Variants in MYO9A observed in about 807,000 individuals in gnomAD.
The protein encoded by MYO9A is myosin IXA.
In MYO9A, 103 loss-of-function variants were observed where a neutral mutation model predicts 293.3. The ratio of observed to expected loss-of-function variants is 0.35; its 90% CI spans 0.30 to 0.41. MYO9A has a LOEUF of 0.41. MYO9A is among the 10% of genes least tolerant of loss of function. MYO9A has a pLI of 1.00. For synonymous variants in MYO9A, 1,001 were observed against 1,035.7 expected, an observed-to-expected ratio of 0.97 and a Z score of 0.64; for missense variants, 2,685 against 3,033.0, an observed-to-expected ratio of 0.89 and a Z score of 2.69.
intron 3 of MYO9A, among the ~76,000 whole-genome samples, chr15:72,031,083 T>A (rs1238693411): frequency 1.3e-5 from 2 of 152,118 alleles, no homozygotes; most frequent in Non-Finnish European, 2.9e-5. Flanking sequence ...GCACACTCCT[T>A]ATGAGAATTT....
At chr15:71,984,732 C>G (rs1596323193) in intron 11 of MYO9A, among the ~76,000 whole-genome samples, 1 of 152,144 alleles carries the variant, frequency 6.6e-6, no homozygotes, top group South Asian at 2.1e-4. Flanking sequence ...TTTTCAATTT[C>G]ACAGTACTTT....
At chr15:71,964,714 G>T (rs537920518) in intron 13 of MYO9A, among the ~76,000 whole-genome samples, 37 of 152,122 alleles carry the variant, frequency 2.4e-4, no homozygotes, top group African/African-American at 8.9e-4. Flanking sequence ...TTGAACCCGG[G>T]AGGCAGAGGT....
chr15:71,883,650 T>A lies in MYO9A; in HGVS notation c.5342A>T (p.Glu1781Val), dbSNP rs1401968922. Residue 1781 changes from glutamate (E) to valine (V), a missense_variant, in exon 28 of 42, where the codon GAG becomes GTG. Glu to Val is a moderately radical substitution (Grantham distance 121, BLOSUM62 -2). Transcript: ENST00000356056. ...TGTGCCTGCAAAGAGTGGCGAAACC[T>A]CTGACTGGGTAGTAGGTTTCACTCT... ...TTRVKPTTQS[E>V]VSPLFAGTDV... The A allele has an allele frequency of 6.2e-7, 1 of 1,613,744 alleles. No homozygotes were observed. The highest frequency in any genetic ancestry group is 8.5e-7 in the Non-Finnish European group (1 of 1,179,802).
chr15:71,925,186 T>C (rs12148549), intron 18 of MYO9A, among the ~76,000 whole-genome samples: 4 of 2,662 alleles, frequency 1.5e-3, no homozygotes, highest in Non-Finnish European at 3.9e-3. Flanking sequence ...CATATATACA[T>C]GTGTATATAT....
rs867639949 is a variant in MYO9A, at chr15:71,826,816, T to C, written c.7411A>G (p.Met2471Val). The C allele has an allele frequency of 1.9e-6, 3 of 1,614,018 alleles. No individual in the cohort carries two copies. Among genetic ancestry groups the C allele is most frequent in the African/African-American group, 1.3e-5 (1 of 74,924 alleles). ...TTGGTCTGGCCCAATGGTCCTTCCATTCCCAGGGCCTCATTACCTGAGGCA... is the reference window on the plus strand; with the variant it reads ...TTGGTCTGGCCCAATGGTCCTTCCACTCCCAGGGCCTCATTACCTGAGGCA... Reference protein sequence around the residue: ...RAASGNEALGMEGPLGQTKFL... With the variant: ...RAASGNEALGVEGPLGQTKFL... Residue 2471 changes from methionine to valine, a missense_variant, in exon 42 of 42, where the codon ATG becomes GTG. This residue lies in a region of MYO9A where 350 missense variants were observed against 328.9 expected (regional missense o/e 1.06). Transcript: ENST00000356056.
rs180811034 is a variant in MYO9A, at chr15:72,082,545, G to A, written c.-72+35135C>T. ...TAAATGCCCTTTATTTCTTTCCCTTGCCTGATTCCTCTGGCCAGGACTTCC... is the reference window on the plus strand; with the variant it reads ...TAAATGCCCTTTATTTCTTTCCCTTACCTGATTCCTCTGGCCAGGACTTCC... On this transcript the variant is annotated intron_variant, in intron 1 of 41. Transcript: ENST00000356056. Among the ~76,000 whole-genome samples, 242 of 152,070 alleles carry A rather than the reference G, an allele frequency of 1.6e-3. 2 individuals are homozygous for A. Among genetic ancestry groups the A allele is most frequent in the Non-Finnish European group, 2.8e-3 (193 of 67,990 alleles).
At chr15:72,087,512 T>C (rs2079777309) in intron 1 of MYO9A, among the ~76,000 whole-genome samples, 2 of 152,142 alleles carry the variant, frequency 1.3e-5, no homozygotes, top group African/African-American at 4.8e-5. Flanking sequence ...GAGCATACCG[T>C]TCCTTGCCAG....
At chr15:71,880,972 G>A (rs1004093546) in intron 28 of MYO9A, among the ~76,000 whole-genome samples, 2 of 152,114 alleles carry the variant, frequency 1.3e-5, no homozygotes, top group African/African-American at 4.8e-5. Context: ...AACAATATGT[G>A]TAGCTATATA....
At chr15:71,907,922 C>T in intron 19 of MYO9A, among the ~76,000 whole-genome samples, 1 of 152,096 alleles carries the variant, frequency 6.6e-6, no homozygotes. Context: ...GTAGTTTCTT[C>T]TGTTGTGCAG....
chr15:71,838,347 CTT>C (rs1402632651), intron 39 of MYO9A, among the ~76,000 whole-genome samples: 1 of 152,004 alleles, frequency 6.6e-6, no homozygotes, highest in Non-Finnish European at 1.5e-5. Flanking sequence ...AACCTTTCAA[CTT>C]TTTTCTTTAA....
At chr15:71,916,019 T>C (rs2058001693) in intron 19 of MYO9A, among the ~76,000 whole-genome samples, 1 of 152,126 alleles carries the variant, frequency 6.6e-6, no homozygotes, top group South Asian at 2.1e-4. Context: ...GGTAGCAGCA[T>C]GAGGTTTAAG....
chr15:71,928,031 T>C (rs1216836115), intron 18 of MYO9A, among the ~76,000 whole-genome samples: 4 of 8,110 alleles, frequency 4.9e-4, no homozygotes, highest in East Asian at 3.5e-3. Context: ...CTTTCTAATA[T>C]ATATATATAT....
At chr15:72,076,276 G>A (rs1402101336) in intron 1 of MYO9A, among the ~76,000 whole-genome samples, 1 of 148,486 alleles carries the variant, frequency 6.7e-6, no homozygotes, top group African/African-American at 2.5e-5. Context: ...CTGCACTCCA[G>A]CCTGGGCGAC....
At position 71,898,392 on chromosome 15, in the gene MYO9A, C is replaced by G; in HGVS notation, c.4111G>C (p.Asp1371His). ...ISSSPKFDSR[D>H]NALSASNETS... ...TCATTTGAGGCACTGAGGGCATTGT[C>G]CCGTGAATCAAATTTTGGACTGCTG... Residue 1371 changes from aspartate (D) to histidine (H), a missense_variant, in exon 25 of 42, where the codon GAC becomes CAC. Asp to His is a moderately conservative substitution (Grantham distance 81, BLOSUM62 -1). Around this residue, in one of 10 missense-constraint regions of MYO9A, gnomAD observed 1,434 missense variants for 1,497.7 expected, o/e 0.96. Transcript: ENST00000356056. 1 of 1,613,588 alleles carries G rather than the reference C, an allele frequency of 6.2e-7. No homozygotes were observed. Among genetic ancestry groups the G allele is most frequent in the East Asian group, 2.2e-5 (1 of 44,888 alleles).
chr15:72,001,798 G>GT (rs1269976953), intron 8 of MYO9A, among the ~76,000 whole-genome samples: 1 of 151,806 alleles, frequency 6.6e-6, no homozygotes, highest in Non-Finnish European at 1.5e-5. Context: ...CAAAAACGCA[G>GT]TAAAGCCAAA....
chr15:71,908,753 A>G (rs2057747622), intron 19 of MYO9A, among the ~76,000 whole-genome samples: 1 of 152,164 alleles, frequency 6.6e-6, no homozygotes, highest in South Asian at 2.1e-4. Flanking sequence ...ATGAACCAAT[A>G]CTGACATGAT....
intron 21 of MYO9A, 120 bp downstream of exon 21, chr15:71,903,809 G>A (rs2057551487): frequency 9.7e-6 from 8 of 827,498 alleles, no homozygotes; most frequent in South Asian, 7.0e-5. Flanking sequence ...TATACAAAAC[G>A]TGAAATGGAA....
chr15:71,952,003 G>A, intron 14 of MYO9A, 107 bp from the exon 15 acceptor site: 1 of 1,220,934 alleles, frequency 8.2e-7, no homozygotes. Context: ...ACTATTTAAG[G>A]GTGTATAAAA....
intron 14 of MYO9A, among the ~76,000 whole-genome samples, chr15:71,956,330 A>AATATATATATATATATATAT (rs1555490832): frequency 6.6e-5 from 5 of 75,566 alleles, no homozygotes; most frequent in African/African-American, 3.0e-4. Flanking sequence ...AAAAAAAAAA[A>AATATATATATATATATATAT]ATATATATAT....
Sources: gnomAD v4.1 joint callset for allele counts (sites outside exome capture counted in the v4.1 genomes callset) on GRCh38, gnomAD v4.1.1 for gene constraint, gnomAD v4.1.1 regional missense constraint, MANE v1.5 for transcripts, NCBI Gene and HGNC (gene_info 2026-07-23, HGNC 2026-07-21) for gene names.